RFTN1: variants seen among roughly 807,000 people sequenced by gnomAD.
The protein encoded by RFTN1 is raftlin.
A neutral mutation model predicts 46.5 loss-of-function variants in RFTN1; 26 were observed. The observed-to-expected ratio is 0.56, with a 90% CI of 0.41 to 0.78. The LOEUF is 0.78. Among genes scored for constraint, RFTN1 ranks in the 30% least tolerant of loss-of-function variants. RFTN1 has a pLI of 0.00. For synonymous variants in RFTN1, 261 were observed against 284.2 expected (o/e 0.92, Z 0.82); for missense variants, 693 against 718.7 (o/e 0.96, Z 0.41).
In RFTN1 at chr3:16,440,842, A is replaced by C. The variant is rs552216761; in HGVS notation, c.146-6805T>G. 6.6e-6 allele frequency among the ~76,000 whole-genome samples: 1 copy of C among 152,174 alleles called. No individual in the cohort carries two copies. Among genetic ancestry groups the C allele is most frequent in the South Asian group, 2.1e-4 (1 of 4,830 alleles). Reference sequence around the variant, plus strand: ...AGACCTAGCAGCCTGCAGAGTATGGATGGGGCATTTGATAAAGTTGGGGGA... The same window carrying C: ...AGACCTAGCAGCCTGCAGAGTATGGCTGGGGCATTTGATAAAGTTGGGGGA... On this transcript the variant is annotated intron_variant, in intron 2 of 9. Coordinates refer to ENST00000334133, the MANE Select transcript of RFTN1 (RefSeq NM_015150.2). The surrounding 1 kb of genome is among the most constrained non-coding windows in gnomAD (Gnocchi z 4.6).
Position 16,348,964 on chromosome 3 carries a change from A to G in RFTN1, c.1146+8968T>C, listed in dbSNP as rs2071912244. The stretch of plus-strand genomic sequence containing the variant: ...AGGGAAAATTCTGGCTAAAAGAGGT[A>G]AAAGAGGGACAGACAGCCATCCCAG... On this transcript the variant is annotated intron_variant, in intron 7 of 9. Coordinates refer to ENST00000334133, the MANE Select transcript of RFTN1 (RefSeq NM_015150.2). This position sits in a 1 kb window ranked among gnomAD's most constrained non-coding sequence, Gnocchi z 6.3. Among the ~76,000 whole-genome samples, 1 of 152,230 alleles carries G rather than the reference A, an allele frequency of 6.6e-6. No homozygotes were observed. Among genetic ancestry groups the G allele is most frequent in the African/African-American group, 2.4e-5 (1 of 41,456 alleles).
Position 16,321,369 on chromosome 3 carries a change from A to G in RFTN1, c.1332+2007T>C, listed in dbSNP as rs1269674953. 6.6e-6 allele frequency among the ~76,000 whole-genome samples: 1 copy of G among 152,146 alleles called. No individual in the cohort carries two copies. The highest frequency in any genetic ancestry group is 1.9e-4 in the East Asian group (1 of 5,182). On this transcript the variant is annotated intron_variant, in intron 9 of 9. Coordinates refer to ENST00000334133, the MANE Select transcript of RFTN1 (RefSeq NM_015150.2). The surrounding 1 kb of genome is among the most constrained non-coding windows in gnomAD (Gnocchi z 4.8). Reference sequence around the variant, plus strand: ...AGGAACTTAGTGGGAAACCAGGAGAATGAGGTGGGAAAGAACCAAGAGAAA... The same window carrying G: ...AGGAACTTAGTGGGAAACCAGGAGAGTGAGGTGGGAAAGAACCAAGAGAAA...
At chr3:16,415,424 T>C (rs76863015) in intron 3 of RFTN1, among the ~76,000 whole-genome samples, 5 of 90,838 alleles carry the variant, frequency 5.5e-5, no homozygotes, top group Non-Finnish European at 8.6e-5. Flanking sequence ...TATATATATA[T>C]ATATATACAC....
chr3:16,497,314 C>A (rs577890119), intron 1 of RFTN1, among the ~76,000 whole-genome samples: 8 of 152,362 alleles, frequency 5.3e-5, no homozygotes, highest in Non-Finnish European at 8.8e-5. Context: ...ACAAAATCAT[C>A]TACGTACTGG....
rs2073846227 is a variant in RFTN1 at position 16,378,015 on chromosome 3, G to C, written c.529C>G (p.Pro177Ala). The change falls in exon 5 of 10, where the codon CCG (proline) becomes GCG (alanine). Residue 177 changes from proline to alanine, a missense_variant. Transcript: ENST00000334133. ...TCGGTGCTGTTGGCAGTAGACACCG[G>C]AGCACTGCTGCCTGCCGAGTTCACA... ...SSVNSAGSSA[P>A]VSTANSTEDA... 6.2e-7 allele frequency: 1 copy of C among 1,614,128 alleles called. No individual in the cohort carries two copies. Among genetic ancestry groups the C allele is most frequent in the African/African-American group, 1.3e-5 (1 of 74,940 alleles).
At chr3:16,378,132 A>G (rs1575177406) in intron 4 of RFTN1, 30 bp from the exon 5 acceptor site, 2 of 1,584,116 alleles carry the variant, frequency 1.3e-6, no homozygotes, top group East Asian at 2.2e-5. Context: ...AAGGGAAACA[A>G]GTGAATGAAA....
At position 16,380,193 on chromosome 3, in the gene RFTN1, G is replaced by A. The variant is rs1159479627; in HGVS notation, c.442-2091C>T. On this transcript the variant is annotated intron_variant, in intron 4 of 9. Coordinates refer to ENST00000334133, the MANE Select transcript of RFTN1 (RefSeq NM_015150.2). This position sits in a 1 kb window ranked among gnomAD's most constrained non-coding sequence, Gnocchi z 4.8. ...TGACTCACCATCTTGAGGAACCAGA[G>A]TAGATTATATAAACTTTCTGTGCCT... Among the ~76,000 whole-genome samples the A allele has an allele frequency of 6.6e-6, 1 of 152,206 alleles. No individual in the cohort carries two copies. The highest frequency in any genetic ancestry group is 1.5e-5 in the Non-Finnish European group (1 of 68,036).
intron 1 of RFTN1, among the ~76,000 whole-genome samples, chr3:16,502,253 C>T (rs187501880): frequency 2.6e-4 from 39 of 151,998 alleles, no homozygotes; most frequent in Non-Finnish European, 3.5e-4. Context: ...CCCAGCTACT[C>T]GGGAGGCTGA....
chr3:16,444,761 G>A (rs1032091791), intron 2 of RFTN1, among the ~76,000 whole-genome samples: 2 of 152,258 alleles, frequency 1.3e-5, no homozygotes, highest in African/African-American at 4.8e-5. Context: ...GAACTTCGTG[G>A]TGGGAGTAAG....
intron 2 of RFTN1, among the ~76,000 whole-genome samples, chr3:16,456,550 C>T (rs1315291991): frequency 6.6e-6 from 1 of 152,176 alleles, no homozygotes; most frequent in Non-Finnish European, 1.5e-5. Flanking sequence ...TAAACACCCT[C>T]CGCTGACCAA....
chr3:16,441,299 T>TAAA (rs59877269), intron 2 of RFTN1, among the ~76,000 whole-genome samples: 33 of 47,548 alleles, frequency 6.9e-4, no homozygotes, highest in African/African-American at 1.6e-3. Context: ...TTCCAAGAAC[T>TAAA]AAAAAAAAAA....
At chr3:16,389,783 A>C (rs368005646) in intron 4 of RFTN1, among the ~76,000 whole-genome samples, 1 of 152,230 alleles carries the variant, frequency 6.6e-6, no homozygotes, top group Non-Finnish European at 1.5e-5. Context: ...TCACTCCTCC[A>C]TCAAGAGCTG....
At chr3:16,454,687 A>C (rs1575317314) in intron 2 of RFTN1, 2 of 822,086 alleles carry the variant, frequency 2.4e-6, no homozygotes, top group Non-Finnish European at 2.9e-6. Context: ...GAGAATTCCT[A>C]CTCATCCTTC....
rs552724214 is a variant in RFTN1, at chr3:16,475,873, A to G, written c.145+17852T>C. On this transcript the variant is annotated intron_variant, in intron 2 of 9. Transcript: ENST00000334133. The surrounding 1 kb of genome is among the most constrained non-coding windows in gnomAD (Gnocchi z 4.2). Reference sequence around the variant, plus strand: ...CAGATAAATATTCTATATCCTACAGACTGAACCAGGAAAATAATTTATGCC... The same window carrying G: ...CAGATAAATATTCTATATCCTACAGGCTGAACCAGGAAAATAATTTATGCC... Among the ~76,000 whole-genome samples the G allele has an allele frequency of 6.6e-6, 1 of 152,312 alleles. No individual in the cohort carries two copies. Among genetic ancestry groups the G allele is most frequent in the Admixed American group, 6.5e-5 (1 of 15,304 alleles).
intron 7 of RFTN1, 61 bp downstream of exon 7, chr3:16,357,871 C>T (rs368607497): frequency 9.6e-6 from 10 of 1,039,084 alleles, no homozygotes; most frequent in East Asian, 4.8e-5. Context: ...TCAGATCAAG[C>T]AGGCGGATAA....
chr3:16,436,027 C>T (rs1214958217), intron 2 of RFTN1, among the ~76,000 whole-genome samples: 1 of 150,760 alleles, frequency 6.6e-6, no homozygotes, highest in Non-Finnish European at 1.5e-5. Context: ...TATCTGCCAT[C>T]AGTGATGTAT....
At chr3:16,398,271 A>AAAAAAAAAAG (rs1559322564) in intron 4 of RFTN1, among the ~76,000 whole-genome samples, 2 of 149,586 alleles carry the variant, frequency 1.3e-5, no homozygotes, top group African/African-American at 5.0e-5. Context: ...AAAAAAAAAA[A>AAAAAAAAAAG]AAGAAGCATC....
At position 16,351,374 on chromosome 3, in the gene RFTN1, A is replaced by T. The variant is rs2072092404; in HGVS notation, c.1146+6558T>A. ...CCCCAGAATGAAGGATGATATATCC[A>T]TGATCAGAAATGTCTTGACAGGCTG... is the stretch of plus-strand genomic sequence containing the variant. On this transcript the variant is annotated intron_variant, in intron 7 of 9. Coordinates refer to ENST00000334133, the MANE Select transcript of RFTN1 (RefSeq NM_015150.2). The surrounding 1 kb of genome is among the most constrained non-coding windows in gnomAD (Gnocchi z 5.4). Among the ~76,000 whole-genome samples, 1 of 152,224 alleles carries T rather than the reference A, an allele frequency of 6.6e-6. No individual in the cohort carries two copies. The highest frequency in any genetic ancestry group is 2.4e-5 in the African/African-American group (1 of 41,454).
Position 16,450,644 on chromosome 3 carries a change from C to G in RFTN1, c.146-16607G>C, listed in dbSNP as rs2075808384. Among the ~76,000 whole-genome samples the G allele has an allele frequency of 6.6e-6, 1 of 152,186 alleles. No individual in the cohort carries two copies. The highest frequency in any genetic ancestry group is 6.5e-5 in the Admixed American group (1 of 15,282). On this transcript the variant is annotated intron_variant, in intron 2 of 9. Transcript: ENST00000334133. This position sits in a 1 kb window ranked among gnomAD's most constrained non-coding sequence, Gnocchi z 4.6. Reference sequence around the variant, plus strand: ...ACTGCTCCTGAGGCAGGACAGGCACCCCAAACCAGGATTAAAACAATAAGT... The same window carrying G: ...ACTGCTCCTGAGGCAGGACAGGCACGCCAAACCAGGATTAAAACAATAAGT...
Sources: gnomAD v4.1 joint callset for allele counts (sites outside exome capture counted in the v4.1 genomes callset) on GRCh38, gnomAD v4.1.1 for gene constraint, Gnocchi (gnomAD v3.1) non-coding constraint, MANE v1.5 for transcripts, NCBI Gene and HGNC (gene_info 2026-07-23, HGNC 2026-07-21) for gene names.